The following RIC1 variants were observed in gnomAD, a reference collection of about 807,000 sequenced individuals.
RIC1 encodes RIC1 partner of RAB6A GEF complex.
RIC1 carries 88 observed loss-of-function variants against 169.0 expected under a neutral mutation model. The observed-to-expected ratio is 0.52, with a 90% CI of 0.44 to 0.62. The LOEUF (loss-of-function observed/expected upper bound fraction) is 0.62, where lower values mean the gene tolerates loss of function less well. Ranked by LOEUF, RIC1 falls within the 20% of genes least tolerant of loss-of-function variation. The pLI, the probability that RIC1 is intolerant of heterozygous loss-of-function variation, is 0.00. For missense variants in RIC1, 1,877 were observed against 1,725.5 expected, an observed-to-expected ratio of 1.09 and a Z score of -1.56; for synonymous variants, 790 against 601.5, an observed-to-expected ratio of 1.31 and a Z score of -4.59.
chr9:5,740,656 C>T (rs535852358), intron 8 of RIC1, among the ~76,000 whole-genome samples: 26 of 150,768 alleles, frequency 1.7e-4, no homozygotes, highest in Admixed American at 1.1e-3. Flanking sequence ...GGGCTAGGCC[C>T]GTCTCTATTT....
At chr9:5,725,634 C>A (rs1031422712) in intron 6 of RIC1, among the ~76,000 whole-genome samples, 3 of 152,022 alleles carry the variant, frequency 2.0e-5, no homozygotes, top group Non-Finnish European at 2.9e-5. Flanking sequence ...TTCTCTAGTT[C>A]TTTTAATTGT....
chr9:5,632,298 TTGTA>T (rs1412853235), intron 1 of RIC1, among the ~76,000 whole-genome samples: 1 of 152,168 alleles, frequency 6.6e-6, no homozygotes, highest in Non-Finnish European at 1.5e-5. Flanking sequence ...ATTGTGGAAA[TTGTA>T]TGTGTACAGT....
At position 5,732,543 on chromosome 9, in the gene RIC1, T is replaced by G. The variant is rs1000279417; in HGVS notation, c.812+64T>G. ...TGCAAAAAATACTGGTTTTTTTTTT[T>G]GTAAACATAAGATGTTCCTAACATA... On this transcript the variant is annotated intron_variant, in intron 7 of 25. Transcript: ENST00000414202. 12 of 934,858 alleles carry G rather than the reference T, an allele frequency of 1.3e-5. No individual in the cohort carries two copies. The South Asian group carries it at 1.3e-4, about 10-fold the overall frequency. The allele number at this position is 934,858 out of a possible 1,614,324, so 57.9% of individuals were successfully genotyped here.
intron 1 of RIC1, among the ~76,000 whole-genome samples, chr9:5,641,629 C>T (rs916242046): frequency 6.2e-5 from 9 of 145,196 alleles, no homozygotes; most frequent in Admixed American, 2.0e-4. Context: ...TTGTGGTCTC[C>T]TCTGACTATA....
At chr9:5,711,290 C>T (rs180758962) in intron 3 of RIC1, among the ~76,000 whole-genome samples, 1 of 152,192 alleles carries the variant, frequency 6.6e-6, no homozygotes, top group African/African-American at 2.4e-5. Context: ...GTCAACATCC[C>T]CCTCTCCCCA....
chr9:5,681,963 C>A (rs201005391), intron 2 of RIC1, among the ~76,000 whole-genome samples: 4 of 151,916 alleles, frequency 2.6e-5, no homozygotes, highest in South Asian at 4.2e-4. Flanking sequence ...CTGTTTTATC[C>A]GAGAGTAGGA....
chr9:5,687,305 A>G (rs1012664454), intron 2 of RIC1, among the ~76,000 whole-genome samples: 1 of 151,734 alleles, frequency 6.6e-6, no homozygotes, highest in African/African-American at 2.4e-5. Context: ...CATTGATTTT[A>G]TTTTTCTGTT....
intron 2 of RIC1, 24 bp downstream of exon 2, chr9:5,656,714 A>G: frequency 7.6e-7 from 1 of 1,323,636 alleles, no homozygotes; most frequent in South Asian, 1.2e-5. Flanking sequence ...ACCGCTAAAT[A>G]GTGTTTTCTT....
At chr9:5,753,741 T>C in intron 14 of RIC1, 95 bp downstream of exon 14, 1 of 512,662 alleles carries the variant, frequency 2.0e-6, no homozygotes, top group African/African-American at 2.0e-5. Context: ...TAATTTTGGT[T>C]ACTTATTAAA....
intron 2 of RIC1, among the ~76,000 whole-genome samples, chr9:5,686,437 G>C (rs866842293): frequency 1.4e-4 from 22 of 152,138 alleles, no homozygotes; most frequent in South Asian, 6.2e-4. Context: ...CCATGGAATA[G>C]TATGCAGCCA....
downstream of RIC1, among the ~76,000 whole-genome samples, chr9:5,777,388 C>T (rs1241872240): frequency 6.7e-6 from 1 of 149,450 alleles, no homozygotes; most frequent in Non-Finnish European, 1.5e-5. Flanking sequence ...CTAAAATGTA[C>T]CCATTAAATA....
chr9:5,745,878 T>C, intron 10 of RIC1, 53 bp from the exon 11 acceptor site: 1 of 1,493,364 alleles, frequency 6.7e-7, no homozygotes, highest in Non-Finnish European at 9.2e-7. Context: ...TAGAAAGGGA[T>C]ACAAAAGCCT....
At chr9:5,709,553 C>T (rs371290401) in intron 3 of RIC1, among the ~76,000 whole-genome samples, 17 of 152,262 alleles carry the variant, frequency 1.1e-4, no homozygotes, top group Middle Eastern at 3.4e-3. Flanking sequence ...GTGTATAGAA[C>T]GTTTTGTACA....
chr9:5,652,027 A>T (rs1224237872), intron 1 of RIC1, among the ~76,000 whole-genome samples: 1 of 152,216 alleles, frequency 6.6e-6, no homozygotes. Flanking sequence ...AGTTGGCTGT[A>T]AAAGCATGGA....
chr9:5,650,098 C>T (rs969604176), intron 1 of RIC1, among the ~76,000 whole-genome samples: 5 of 152,244 alleles, frequency 3.3e-5, no homozygotes, highest in Middle Eastern at 3.4e-3. Context: ...GCCTGTCCTT[C>T]GGCCCCAGGG....
At chr9:5,726,697 G>T (rs1435875795) in intron 6 of RIC1, among the ~76,000 whole-genome samples, 1 of 152,198 alleles carries the variant, frequency 6.6e-6, no homozygotes, top group African/African-American at 2.4e-5. Context: ...GGTACCAGTT[G>T]TTCCTTTCCA....
At chr9:5,727,287 C>A (rs1189160047) in intron 6 of RIC1, among the ~76,000 whole-genome samples, 1 of 152,180 alleles carries the variant, frequency 6.6e-6, no homozygotes, top group Non-Finnish European at 1.5e-5. Context: ...CTTCTCTTCT[C>A]ACTTCATTTC....
intron 1 of RIC1, among the ~76,000 whole-genome samples, chr9:5,644,807 G>T (rs1818422378): frequency 6.6e-6 from 1 of 152,158 alleles, no homozygotes; most frequent in South Asian, 2.1e-4. Flanking sequence ...AAGTCATATG[G>T]CAAGTTTAAC....
intron 1 of RIC1, among the ~76,000 whole-genome samples, chr9:5,632,856 A>G (rs1817783166): frequency 6.6e-6 from 1 of 152,224 alleles, no homozygotes; most frequent in African/African-American, 2.4e-5. Flanking sequence ...TGAACATCAG[A>G]ATGGTATCTT....
Sources: allele counts gnomAD v4.1 joint callset (sites outside exome capture counted in the v4.1 genomes callset), GRCh38; gene constraint gnomAD v4.1.1; transcripts MANE v1.5; gene names NCBI Gene and HGNC (gene_info 2026-07-23, HGNC 2026-07-21).